Variants in CFAP57 observed in about 807,000 individuals in gnomAD.
CFAP57 encodes the protein cilia- and flagella-associated protein 57.
In CFAP57, 116 loss-of-function variants were observed where a neutral mutation model predicts 146.8. The observed-to-expected ratio is 0.79, with a 90% CI of 0.68 to 0.92. The LOEUF is 0.92. Ranked by LOEUF, CFAP57 falls within the 40% of genes least tolerant of loss-of-function variation. The probability of loss-of-function intolerance (pLI) is 0.00; values close to 1 mark genes in which losing one functional copy is unlikely to be tolerated. For missense variants in CFAP57, 1,377 were observed against 1,527.2 expected, an observed-to-expected ratio of 0.90 and a Z score of 1.64; for synonymous variants, 518 against 552.8, an observed-to-expected ratio of 0.94 and a Z score of 0.88.
chr1:43,186,536 G>A (rs1425639784), intron 5 of CFAP57, among the ~76,000 whole-genome samples, 171 bp from the exon 6 acceptor site: 4 of 150,574 alleles, frequency 2.7e-5, no homozygotes, highest in Non-Finnish European at 5.9e-5. Context: ...GCGTGAACCC[G>A]GGAGGCGGAG....
rs7512733 is a variant in CFAP57, at chr1:43,192,690, C to T, written c.1123-4863C>T. 8.1e-4 allele frequency among the ~76,000 whole-genome samples: 123 copies of T among 151,658 alleles called. 1 individual carries two copies. Among genetic ancestry groups the T allele is most frequent in the African/African-American group, 2.7e-3 (110 of 41,292 alleles). On this transcript the variant is annotated intron_variant, in intron 6 of 22. Transcript: ENST00000372492. ...CTGTAATCCTAGCACTTTGGGAGGC[C>T]GAGGTGGGTGGATCATCTAAGGTCG...
chr1:43,203,122 G>A (rs981174328), intron 9 of CFAP57, among the ~76,000 whole-genome samples: 7 of 152,094 alleles, frequency 4.6e-5, no homozygotes, highest in East Asian at 1.9e-4. Context: ...GCAGTGAGCC[G>A]AGATCATGCC....
intron 21 of CFAP57, among the ~76,000 whole-genome samples, chr1:43,241,773 C>T (rs1232328549): frequency 1.3e-5 from 2 of 152,130 alleles, no homozygotes; most frequent in African/African-American, 4.8e-5. Flanking sequence ...AGAGGGGCAT[C>T]TAACAAGGTG....
chr1:43,249,532 CA>C (rs1392438327), intron 22 of CFAP57, among the ~76,000 whole-genome samples: 3 of 138,310 alleles, frequency 2.2e-5, no homozygotes, highest in Non-Finnish European at 4.6e-5. Flanking sequence ...CGGGTTCAAG[CA>C]ATTCTCCTGC....
intron 11 of CFAP57, among the ~76,000 whole-genome samples, chr1:43,212,661 C>T (rs1644664727): frequency 9.3e-6 from 1 of 107,052 alleles, no homozygotes; most frequent in Admixed American, 1.1e-4. Context: ...TGACCTGGCA[C>T]GTGGGTCATG....
At position 43,198,488 on chromosome 1, in the gene CFAP57, G is replaced by C. The variant is rs751641776; in HGVS notation, c.1270G>C (p.Glu424Gln). 30 of 1,613,918 alleles carry C rather than the reference G, an allele frequency of 1.9e-5. No individual in the cohort carries two copies. The highest frequency in any genetic ancestry group is 2.5e-5 in the Non-Finnish European group (30 of 1,179,998). Residue 424 changes from glutamate to glutamine, a missense_variant, in exon 8 of 23, where the codon GAA becomes CAA. Physicochemically the swap from Glu to Gln is conservative, Grantham distance 29 (BLOSUM62 2). Coordinates refer to ENST00000372492, the MANE Select transcript of CFAP57 (RefSeq NM_001378189.1). ...AATTGATCTTTTTCACAGCACCCTG[G>C]AACTATTTAAGGAATACCAAGAAGA... ...RLWNYETNTLELFKEYQEEAY... is the reference protein window; with the variant it reads ...RLWNYETNTLQLFKEYQEEAY...
In CFAP57 at chr1:43,243,293, G is replaced by A; in HGVS notation, c.3472G>A (p.Val1158Ile). 6.5e-7 allele frequency: 1 copy of A among 1,548,776 alleles called. No individual in the cohort carries two copies. The highest frequency in any genetic ancestry group is 1.2e-5 in the South Asian group (1 of 83,646). ...GGAGCTGAAGTTCACTCGGTCCCAA[G>A]TCTATGACCTTGAAGCAGCTCTGAA... The part of the protein sequence containing the change: ...RRELKFTRSQ[V>I]YDLEAALKLT... Residue 1158 changes from valine to isoleucine, a missense_variant, in exon 22 of 23, where the codon GTC (valine) becomes ATC (isoleucine). Transcript: ENST00000372492.
intron 19 of CFAP57, 37 bp downstream of exon 19, chr1:43,232,661 G>A: frequency 2.7e-6 from 4 of 1,455,848 alleles, no homozygotes; most frequent in African/African-American, 1.4e-5. Context: ...TCTTGGATTC[G>A]GGATCTGGCA....
intron 21 of CFAP57, among the ~76,000 whole-genome samples, chr1:43,235,826 G>A (rs1645665382): frequency 6.6e-6 from 1 of 152,250 alleles, no homozygotes; most frequent in Non-Finnish European, 1.5e-5. Flanking sequence ...GACAGCAGGA[G>A]CAGTTGTCAG....
At chr1:43,204,722 C>T (rs1644284453) in intron 9 of CFAP57, among the ~76,000 whole-genome samples, 1 of 152,130 alleles carries the variant, frequency 6.6e-6, no homozygotes, top group Admixed American at 6.5e-5. Flanking sequence ...TTACCTTTTA[C>T]TACCAGATTT....
intron 18 of CFAP57, among the ~76,000 whole-genome samples, chr1:43,231,647 A>G (rs1256575340): frequency 6.6e-6 from 1 of 150,584 alleles, no homozygotes; most frequent in African/African-American, 2.4e-5. Flanking sequence ...TGAGGTCAGG[A>G]GTTCAAGACC....
intron 6 of CFAP57, among the ~76,000 whole-genome samples, chr1:43,189,242 A>G (rs949615151): frequency 1.3e-5 from 2 of 152,238 alleles, no homozygotes; most frequent in African/African-American, 4.8e-5. Flanking sequence ...TTGCAATTCC[A>G]TATGGATTTT....
At chr1:43,251,891 T>C (rs988914242) in intron 22 of CFAP57, among the ~76,000 whole-genome samples, 2 of 152,178 alleles carry the variant, frequency 1.3e-5, no homozygotes, top group Admixed American at 6.5e-5. Flanking sequence ...AGTACATTAA[T>C]CAAAGCAGAG....
chr1:43,246,243 G>T (rs936522319), intron 22 of CFAP57, among the ~76,000 whole-genome samples: 2 of 152,122 alleles, frequency 1.3e-5, no homozygotes, highest in Non-Finnish European at 1.5e-5. Context: ...GAAGAACAAG[G>T]TTGGAGGTCT....
intron 11 of CFAP57, chr1:43,211,692 C>T (rs902373124): frequency 1.3e-5 from 2 of 152,016 alleles, no homozygotes; most frequent in African/African-American, 4.8e-5. Context: ...AGGCCAGTCT[C>T]GTGGCCTGCT....
chr1:43,206,308 C>G (rs1317981446), intron 9 of CFAP57: 5 of 187,286 alleles, frequency 2.7e-5, no homozygotes, highest in Non-Finnish European at 5.7e-5. Flanking sequence ...ACCAGTTAAC[C>G]TACATTGTCA....
At chr1:43,228,392 G>GACCTTGCCAGAGGTCCCCTGGGGGGT (rs1320593906) in intron 18 of CFAP57, among the ~76,000 whole-genome samples, 6 of 150,310 alleles carry the variant, frequency 4.0e-5, no homozygotes, top group South Asian at 4.3e-4. Flanking sequence ...AGACAAAATA[G>GACCTTGCCAGAGGTCCCCTGGGGGGT]GCTTCTGCTC....
intron 10 of CFAP57, 132 bp from the exon 11 acceptor site, chr1:43,209,611 G>A (rs1644506979): frequency 1.1e-6 from 1 of 871,938 alleles, no homozygotes; most frequent in Non-Finnish European, 1.8e-6. Flanking sequence ...GATGCCAAAA[G>A]GGGATAGAAA....
chr1:43,216,516 G>A (rs144521493), intron 12 of CFAP57, among the ~76,000 whole-genome samples: 123 of 152,104 alleles, frequency 8.1e-4, no homozygotes, highest in Non-Finnish European at 1.4e-3. Flanking sequence ...GGAGACAGCA[G>A]GCTGAACCAA....
Sources: allele counts gnomAD v4.1 joint callset (sites outside exome capture counted in the v4.1 genomes callset), GRCh38; gene constraint gnomAD v4.1.1; transcripts MANE v1.5; gene names NCBI Gene and HGNC (gene_info 2026-07-23, HGNC 2026-07-21).